DGKQ: variants seen among roughly 807,000 people sequenced by gnomAD.
The protein encoded by DGKQ is DAG kinase theta.
In DGKQ, 97 loss-of-function variants were observed where a neutral mutation model predicts 104.2. The observed-to-expected ratio is 0.93, with a 90% confidence interval of 0.79 to 1.10. The LOEUF (loss-of-function observed/expected upper bound fraction) is 1.10. Among genes scored for constraint, DGKQ ranks in the 50% least tolerant of loss-of-function variants. The pLI is 0.00. For missense variants in DGKQ, 1,465 were observed against 1,352.1 expected, an observed-to-expected ratio of 1.08 and a Z score of -1.31; for synonymous variants, 736 against 595.2, an observed-to-expected ratio of 1.24 and a Z score of -3.44.
chr4:962,759 C>T lies in DGKQ; in HGVS notation c.2035+13G>A, dbSNP rs1012744964. On this transcript the variant is annotated intron_variant, in intron 17 of 22. Coordinates refer to ENST00000273814, the MANE Select transcript of DGKQ (RefSeq NM_001347.4). ...CCCTGAGGCCCCCTCCTCGGCTGCA[C>T]GGCTGAGCCCACCTGTGCCCAGGGG... 24 of 1,601,774 alleles carry T rather than the reference C, an allele frequency of 1.5e-5. No homozygotes were observed. The highest frequency in any genetic ancestry group is 3.4e-5 in the Admixed American group (2 of 58,342).
At chr4:968,675 G>T in intron 3 of DGKQ, 111 bp from the exon 4 acceptor site, 1 of 1,352,846 alleles carries the variant, frequency 7.4e-7, no homozygotes, top group East Asian at 2.5e-5. Flanking sequence ...TCCTTTAAGT[G>T]TCCTGTGGCC....
chr4:967,746 G>C lies in DGKQ; in HGVS notation c.868C>G (p.Gln290Glu), dbSNP rs749580646. ...CACTTACCGGACTCCGGAGTTGCCT[G>C]TGTCTCTCTGCCTGGACCCACGGCA... ...SAAVGPGRET[Q>E]ATPESGKQTL... Residue 290 changes from glutamine to glutamate, a missense_variant, in exon 7 of 23, where the codon CAG becomes GAG. Gln to Glu is a conservative substitution (Grantham distance 29). Coordinates refer to ENST00000273814, the MANE Select transcript of DGKQ (RefSeq NM_001347.4). 5.6e-6 allele frequency: 9 copies of C among 1,610,740 alleles called. No homozygotes were observed. The highest frequency in any genetic ancestry group is 8.5e-7 in the Non-Finnish European group (1 of 1,179,084).
At position 971,842 on chromosome 4, in the gene DGKQ, C is replaced by G. The variant is rs111355002; in HGVS notation, c.272-770G>C. ...ACAGCCCCGGGTGAAGGTTGTGCCA[C>G]GGAGCCCCAGGCAGTCCAGCTGGGA... On this transcript the variant is annotated intron_variant, in intron 1 of 22. Transcript: ENST00000273814. The surrounding 1 kb of genome is among the most constrained non-coding windows in gnomAD (Gnocchi z 4.0). 6.6e-6 allele frequency among the ~76,000 whole-genome samples: 1 copy of G among 152,150 alleles called. No individual in the cohort carries two copies. The highest frequency in any genetic ancestry group is 1.5e-5 in the Non-Finnish European group (1 of 68,000).
chr4:963,235 C>T lies in DGKQ; in HGVS notation c.1790G>A (p.Ser597Asn). 6.2e-7 allele frequency: 1 copy of T among 1,611,340 alleles called. No homozygotes were observed. The highest frequency in any genetic ancestry group is 8.5e-7 in the Non-Finnish European group (1 of 1,178,704). ...CAGGTCTCGGCCCTTGAGGCCTCCA[C>T]TCTTGGGGTTCACGAACACAAGGAG... Reference protein sequence around the residue: ...CPLLVFVNPKSGGLKGRDLLC... With the variant: ...CPLLVFVNPKNGGLKGRDLLC... The change falls in exon 16 of 23, where the codon AGT becomes AAT. Residue 597 changes from serine to asparagine, a missense_variant. Coordinates refer to ENST00000273814, the MANE Select transcript of DGKQ (RefSeq NM_001347.4).
At chr4:966,418 G>A (rs1433335979) in intron 12 of DGKQ, 48 bp downstream of exon 12, 3 of 1,593,162 alleles carry the variant, frequency 1.9e-6, no homozygotes, top group African/African-American at 1.3e-5. Flanking sequence ...CAGAGGCTGT[G>A]GCTGAGGGCT....
chr4:960,594 G>T lies in DGKQ; in HGVS notation c.*26C>A. ...AGGCTGGCGGGAGCAGAGATGGCTC[G>T]AGCCCTTGGGCTGCCCCAGCCACCC... On this transcript the variant is annotated 3_prime_UTR_variant, in exon 23 of 23. Coordinates refer to ENST00000273814, the MANE Select transcript of DGKQ (RefSeq NM_001347.4). 1 of 1,596,126 alleles carries T rather than the reference G, an allele frequency of 6.3e-7. No homozygotes were observed.
Position 964,356 on chromosome 4 carries a change from G to A in DGKQ, c.1734+820C>T, listed in dbSNP as rs541344326. On this transcript the variant is annotated intron_variant, in intron 15 of 22. Coordinates refer to ENST00000273814, the MANE Select transcript of DGKQ (RefSeq NM_001347.4). ...GATCAAGGGTCAAGGTTCAGGGGTA[G>A]AACAGCCATGGACACCTGGGGGGTC... 9.8e-5 allele frequency among the ~76,000 whole-genome samples: 15 copies of A among 152,374 alleles called. No individual in the cohort carries two copies. The South Asian group carries it at 2.7e-3, about 27-fold the overall frequency.
Position 968,390 on chromosome 4 carries a change from G to A in DGKQ, c.555C>T (p.His185=), listed in dbSNP as rs779782048. The A allele has an allele frequency of 6.4e-7, 1 of 1,573,784 alleles. No individual in the cohort carries two copies. Among genetic ancestry groups the A allele is most frequent in the East Asian group, 2.3e-5 (1 of 42,992 alleles). The change falls in exon 5 of 23, where the codon CAC becomes CAT. Residue 185 remains histidine (H), a synonymous_variant. Transcript: ENST00000273814. The part of the protein sequence containing the change: ...GHQDHDTHHH[H]WREGNLPSGA... ...CCGAGGGCAGGTTCCCCTCCCGCCAGTGGTGGTGATGGGTGTCCTGCAGAG... is the reference window on the plus strand; with the variant it reads ...CCGAGGGCAGGTTCCCCTCCCGCCAATGGTGGTGATGGGTGTCCTGCAGAG...
At position 971,007 on chromosome 4, in the gene DGKQ, G is replaced by T; in HGVS notation, c.337C>A (p.Pro113Thr). The T allele has an allele frequency of 6.4e-7, 1 of 1,552,516 alleles. No individual in the cohort carries two copies. Among genetic ancestry groups the T allele is most frequent in the Non-Finnish European group, 8.7e-7 (1 of 1,148,044 alleles). Reference protein sequence around the residue: ...HVRIPCTSVAPSLVRVPVAHC... With the variant: ...HVRIPCTSVATSLVRVPVAHC... ...CCCACACTCACCCGGACCAGGCTGGGTGCCACACTCGTGCACGGGATCCTC... is the reference window on the plus strand; with the variant it reads ...CCCACACTCACCCGGACCAGGCTGGTTGCCACACTCGTGCACGGGATCCTC... Residue 113 changes from proline (P) to threonine (T), a missense_variant, in exon 2 of 23, where the codon CCC becomes ACC. Pro to Thr is a conservative substitution (Grantham distance 38). Coordinates refer to ENST00000273814, the MANE Select transcript of DGKQ (RefSeq NM_001347.4). This position sits in a 1 kb window ranked among gnomAD's most constrained non-coding sequence, Gnocchi z 4.0.
Position 967,747 on chromosome 4 carries a change from T to C in DGKQ, c.867A>G (p.Thr289=), listed in dbSNP as rs1712530018. The C allele has an allele frequency of 6.2e-7, 1 of 1,610,852 alleles. No individual in the cohort carries two copies. The highest frequency in any genetic ancestry group is 8.5e-7 in the Non-Finnish European group (1 of 1,179,088). The change falls in exon 7 of 23, where the codon ACA becomes ACG. Residue 289 remains threonine (T), a synonymous_variant. Transcript: ENST00000273814. ...GSAAVGPGRE[T]QATPESGKQT... is the part of the protein sequence containing the mutation. Reference sequence around the variant, plus strand: ...ACTTACCGGACTCCGGAGTTGCCTGTGTCTCTCTGCCTGGACCCACGGCAG... The same window carrying C: ...ACTTACCGGACTCCGGAGTTGCCTGCGTCTCTCTGCCTGGACCCACGGCAG...
rs760425501 is a variant in DGKQ at position 963,304 on chromosome 4, G to A, written c.1735-14C>T. 25 of 1,594,354 alleles carry A rather than the reference G, an allele frequency of 1.6e-5. 1 individual carries two copies. The South Asian group carries it at 2.8e-4, about 18-fold the overall frequency. Reference sequence around the variant, plus strand: ...CAGCTTCGCGTGCTGACAGACAGGGGGCTGGGTTAGGATGGGGACCCAAGG... The same window carrying A: ...CAGCTTCGCGTGCTGACAGACAGGGAGCTGGGTTAGGATGGGGACCCAAGG... On this transcript the variant is annotated splice_polypyrimidine_tract_variant and intron_variant, in intron 15 of 22. Transcript: ENST00000273814.
chr4:970,662 C>A (rs552234308), intron 2 of DGKQ, among the ~76,000 whole-genome samples: 9 of 152,190 alleles, frequency 5.9e-5, no homozygotes, highest in African/African-American at 9.7e-5. Context: ...TCCATCCCCC[C>A]CAGGAGCCCT....
intron 2 of DGKQ, among the ~76,000 whole-genome samples, chr4:969,887 G>C (rs953555382): frequency 6.6e-6 from 1 of 152,146 alleles, no homozygotes; most frequent in Non-Finnish European, 1.5e-5. Flanking sequence ...CTGGGATTAC[G>C]GGCGTGAGCC....
intron 21 of DGKQ, 66 bp from the exon 22 acceptor site, chr4:961,267 G>C: frequency 2.2e-6 from 3 of 1,359,660 alleles, no homozygotes; most frequent in Non-Finnish European, 2.9e-6. Context: ...CCTGGCCCTG[G>C]GGCGGGAGAG....
rs1401677434 is a variant in DGKQ, at chr4:971,309, C to T, written c.272-237G>A. 1.3e-5 allele frequency among the ~76,000 whole-genome samples: 2 copies of T among 152,196 alleles called. No homozygotes were observed. Among genetic ancestry groups the T allele is most frequent in the Non-Finnish European group, 2.9e-5 (2 of 68,032 alleles). ...TCCTGGAGGACAATGAGTGTATCCT[C>T]TCATCCAGAGAGCAGTCCCTCCCCT... is the stretch of plus-strand genomic sequence containing the variant. On this transcript the variant is annotated intron_variant, in intron 1 of 22. Coordinates refer to ENST00000273814, the MANE Select transcript of DGKQ (RefSeq NM_001347.4). This position sits in a 1 kb window ranked among gnomAD's most constrained non-coding sequence, Gnocchi z 4.0.
Position 971,487 on chromosome 4 carries a change from C to A in DGKQ, c.272-415G>T, listed in dbSNP as rs967281840. Among the ~76,000 whole-genome samples the A allele has an allele frequency of 6.6e-6, 1 of 152,334 alleles. No individual in the cohort carries two copies. Among genetic ancestry groups the A allele is most frequent in the Admixed American group, 6.5e-5 (1 of 15,314 alleles). On this transcript the variant is annotated intron_variant, in intron 1 of 22. Transcript: ENST00000273814. The surrounding 1 kb of genome is among the most constrained non-coding windows in gnomAD (Gnocchi z 4.0). The stretch of plus-strand genomic sequence containing the variant: ...TCTGTGTCTCACTCCCCCGAAACTA[C>A]GCATACCCCTAATTGTCCCTGCTAC...
rs754910006 is a variant in DGKQ, at chr4:973,307, G to A, written c.176C>T (p.Pro59Leu). ...CGTCACCTTCCGGAAGCTGTGTCCC[G>A]GCGCGGCAGCGGGGCCCGGGGCTCT... ...GVRAPGPAAA[P>L]GHSFRKVTLT... Residue 59 changes from proline to leucine, a missense_variant, in exon 1 of 23, where the codon CCG becomes CTG. Physicochemically the swap from Pro to Leu is moderately conservative, Grantham distance 98. Coordinates refer to ENST00000273814, the MANE Select transcript of DGKQ (RefSeq NM_001347.4). 2 of 1,493,558 alleles carry A rather than the reference G, an allele frequency of 1.3e-6. No homozygotes were observed. The highest frequency in any genetic ancestry group is 2.2e-5 in the Admixed American group (1 of 44,558). 92.5% of individuals were successfully genotyped at this position (1,493,558 alleles called of 1,614,324 possible). A position where few individuals can be genotyped will look rare whatever the true frequency, so the allele number is the denominator to read the frequency against.
intron 15 of DGKQ, among the ~76,000 whole-genome samples, chr4:964,423 G>A (rs1169229787): frequency 6.6e-6 from 1 of 152,200 alleles, no homozygotes; most frequent in Non-Finnish European, 1.5e-5. Flanking sequence ...GAGGACGAGA[G>A]GCCAATGTGA....
At chr4:964,903 G>A (rs1316286602) in intron 15 of DGKQ, among the ~76,000 whole-genome samples, 3 of 152,166 alleles carry the variant, frequency 2.0e-5, no homozygotes, top group African/African-American at 4.8e-5. Context: ...CTGACCCCAC[G>A]GTGCCCCACG....
Sources: allele counts gnomAD v4.1 joint callset (sites outside exome capture counted in the v4.1 genomes callset), GRCh38; gene constraint gnomAD v4.1.1; non-coding constraint Gnocchi (gnomAD v3.1); transcripts MANE v1.5; gene names NCBI Gene and HGNC (gene_info 2026-07-23, HGNC 2026-07-21).